Variants in PLXNB2 observed in about 807,000 individuals in gnomAD.
PLXNB2 encodes plexin B2.
PLXNB2 carries 85 observed loss-of-function variants against 202.6 expected under a neutral mutation model. The ratio of observed to expected loss-of-function variants is 0.42; its 90% CI spans 0.35 to 0.50. The LOEUF (loss-of-function observed/expected upper bound fraction) is 0.50, where lower values mean the gene tolerates loss of function less well. PLXNB2 is among the 20% of genes least tolerant of loss of function. The pLI is 0.02. For missense variants in PLXNB2, 2,063 were observed against 2,586.2 expected, an observed-to-expected ratio of 0.80 and a Z score of 4.39; for synonymous variants, 1,239 against 1,137.6, an observed-to-expected ratio of 1.09 and a Z score of -1.79.
At position 50,278,020 on chromosome 22, in the gene PLXNB2, G is replaced by T. The variant is rs376746331; in HGVS notation, c.4888-7C>A. On this transcript the variant is annotated splice_region_variant and splice_polypyrimidine_tract_variant and intron_variant, in intron 31 of 36. Coordinates refer to ENST00000359337, the MANE Select transcript of PLXNB2 (RefSeq NM_012401.4). Reference sequence around the variant, plus strand: ...CAAACTGCTGCAGTGTGCCCTGTGGGGGGGAGGGTCTCAGCGTGACGCCGT... The same window carrying T: ...CAAACTGCTGCAGTGTGCCCTGTGGTGGGGAGGGTCTCAGCGTGACGCCGT... 2.9e-5 allele frequency: 47 copies of T among 1,610,584 alleles called. 1 individual carries two copies. In the East Asian group the frequency reaches 8.7e-4, roughly 30 times the overall value.
rs760534896 is a variant in PLXNB2 at position 50,289,531 on chromosome 22, C to T, written c.1054G>A (p.Gly352Ser). ...YKPFHGDIQC[G>S]GHAPGSSKSF... is the part of the protein sequence containing the mutation. ...GAGGCCCATACCGGCGCGTGGCCGCCGCACTGGATATCGCCGTGGAAGGGC... is the reference window on the plus strand; with the variant it reads ...GAGGCCCATACCGGCGCGTGGCCGCTGCACTGGATATCGCCGTGGAAGGGC... The change falls in exon 3 of 37, where the codon GGC (glycine) becomes AGC (serine). Residue 352 changes from glycine to serine, a missense_variant. Gly to Ser is a moderately conservative substitution (Grantham distance 56). Around this residue, in one of 2 missense-constraint regions of PLXNB2, gnomAD observed 1,303 missense variants for 1,476.8 expected, o/e 0.88. Transcript: ENST00000359337. The surrounding 1 kb of genome is among the most constrained non-coding windows in gnomAD (Gnocchi z 8.0). 1.1e-5 allele frequency: 18 copies of T among 1,610,244 alleles called. No individual in the cohort carries two copies. The highest frequency in any genetic ancestry group is 8.3e-5 in the Admixed American group (5 of 59,912).
Position 50,280,483 on chromosome 22 carries a change from G to A in PLXNB2, c.4175+6C>T. 2 of 1,598,628 alleles carry A rather than the reference G, an allele frequency of 1.3e-6. No homozygotes were observed. The highest frequency in any genetic ancestry group is 1.1e-5 in the South Asian group (1 of 90,624). ...TGGCCCCGCTCGTGGCCCCGCCCAT[G>A]TGCACCTGCGCAGCATCAGCTTGGG... On this transcript the variant is annotated splice_donor_region_variant and intron_variant, in intron 25 of 36. Transcript: ENST00000359337.
At position 50,290,338 on chromosome 22, in the gene PLXNB2, C is replaced by T; in HGVS notation, c.247G>A (p.Glu83Lys). Residue 83 changes from glutamate (E) to lysine (K), a missense_variant, in exon 3 of 37, where the codon GAG becomes AAG. By Grantham distance (56) the Glu-to-Lys change is moderately conservative. Coordinates refer to ENST00000359337, the MANE Select transcript of PLXNB2 (RefSeq NM_012401.4). The stretch of plus-strand genomic sequence containing the variant: ...TCAGCCTCATGGCACTGGCTGGCCT[C>T]GATGGGCGGCGTGCACTTCTTGTTG... ...LDNKKCTPPI[E>K]ASQCHEAEMT... 1 of 1,612,432 alleles carries T rather than the reference C, an allele frequency of 6.2e-7. No individual in the cohort carries two copies.
intron 1 of PLXNB2, among the ~76,000 whole-genome samples, chr22:50,305,618 C>T (rs546542965): frequency 1.3e-5 from 2 of 152,314 alleles, no homozygotes; most frequent in African/African-American, 4.8e-5. Context: ...ATAGGGAGTC[C>T]GTTGGGGCAG....
At chr22:50,293,102 C>T (rs909357151) in intron 2 of PLXNB2, among the ~76,000 whole-genome samples, 6 of 152,210 alleles carry the variant, frequency 3.9e-5, no homozygotes, top group Non-Finnish European at 8.8e-5. Context: ...TAGGGGTGAT[C>T]AGCCAGGAAA....
intron 1 of PLXNB2, among the ~76,000 whole-genome samples, chr22:50,305,212 C>G (rs533839538): frequency 2.0e-5 from 3 of 152,222 alleles, no homozygotes; most frequent in Admixed American, 6.5e-5. Context: ...ACGGTGAGCA[C>G]GGACGACGTC....
intron 1 of PLXNB2, among the ~76,000 whole-genome samples, chr22:50,303,750 C>T (rs2067791711): frequency 6.6e-6 from 1 of 152,246 alleles, no homozygotes; most frequent in Non-Finnish European, 1.5e-5. Context: ...GGGGCCCTAC[C>T]CCCAGGAGCC....
chr22:50,289,999 C>T lies in PLXNB2; in HGVS notation c.586G>A (p.Ala196Thr). 3 of 1,613,372 alleles carry T rather than the reference C, an allele frequency of 1.9e-6. No homozygotes were observed. ...GCGTGGTCCGTGTAGGCTTCAAAGG[C>T]CTCCCTGCTGTCAGTCCGGTCCAAC... Reference protein sequence around the residue: ...RLLDRTDSREAFEAYTDHATY... With the variant: ...RLLDRTDSRETFEAYTDHATY... Residue 196 changes from alanine (A) to threonine (T), a missense_variant, in exon 3 of 37, where the codon GCC (alanine) becomes ACC (threonine). Physicochemically the swap from Ala to Thr is moderately conservative, Grantham distance 58. This residue lies in a region of PLXNB2 where 1,303 missense variants were observed against 1,476.8 expected (regional missense o/e 0.88). Coordinates refer to ENST00000359337, the MANE Select transcript of PLXNB2 (RefSeq NM_012401.4). This position sits in a 1 kb window ranked among gnomAD's most constrained non-coding sequence, Gnocchi z 8.0.
chr22:50,304,314 T>TG (rs1218936887), intron 1 of PLXNB2, among the ~76,000 whole-genome samples: 3 of 151,824 alleles, frequency 2.0e-5, no homozygotes, highest in Non-Finnish European at 2.9e-5. Flanking sequence ...GTGGATCCAC[T>TG]GGGGGGGTGC....
At chr22:50,298,547 G>A (rs1185508092) in intron 1 of PLXNB2, among the ~76,000 whole-genome samples, 1 of 152,244 alleles carries the variant, frequency 6.6e-6, no homozygotes, top group African/African-American at 2.4e-5. Context: ...CCTTGGTTCT[G>A]AGACCGCCCC....
chr22:50,295,808 T>C (rs944511659), intron 1 of PLXNB2, among the ~76,000 whole-genome samples: 1 of 151,866 alleles, frequency 6.6e-6, no homozygotes, highest in Non-Finnish European at 1.5e-5. Flanking sequence ...AAAATCAAAA[T>C]AGTGGCCGGC....
chr22:50,300,627 GC>G (rs879913315), intron 1 of PLXNB2, among the ~76,000 whole-genome samples: 11 of 152,220 alleles, frequency 7.2e-5, no homozygotes, highest in Non-Finnish European at 1.5e-4. Flanking sequence ...AGCGGTCCCC[GC>G]TGGACTCTCG....
intron 2 of PLXNB2, among the ~76,000 whole-genome samples, chr22:50,292,337 C>CAAA (rs533891085): frequency 4.8e-4 from 34 of 70,944 alleles, no homozygotes; most frequent in Non-Finnish European, 5.6e-4. Flanking sequence ...GACTCTGTCT[C>CAAA]AAAAAAAAAA....
At chr22:50,306,650 C>T (rs997712603) in intron 1 of PLXNB2, among the ~76,000 whole-genome samples, 2 of 152,166 alleles carry the variant, frequency 1.3e-5, no homozygotes, top group African/African-American at 4.8e-5. Context: ...AGGGAGCCCT[C>T]CAGGCCGCCG....
intron 18 of PLXNB2, 105 bp from the exon 19 acceptor site, chr22:50,282,418 G>A: frequency 1.6e-6 from 2 of 1,270,112 alleles, no homozygotes; most frequent in Non-Finnish European, 2.1e-6. Flanking sequence ...GGGGCTTCCA[G>A]GTGCATGTGT....
Position 50,294,713 on chromosome 22 carries a change from A to ACAGACCCCTCACCGAGGCTC in PLXNB2, c.-28_-14+5dup. 2.0e-6 allele frequency: 2 copies of ACAGACCCCTCACCGAGGCTC among 984,014 alleles called. No individual in the cohort carries two copies. Among genetic ancestry groups the ACAGACCCCTCACCGAGGCTC allele is most frequent in the Non-Finnish European group, 2.4e-6 (2 of 828,610 alleles). The allele number at this position is 984,014 out of a possible 1,614,324, so 61.0% of individuals were successfully genotyped here. A position where few individuals can be genotyped will look rare whatever the true frequency, so the allele number is the denominator to read the frequency against. Reference sequence around the variant, plus strand: ...ACCCACTGCCTTTCCCAGGTGGGGTACAGACCCCTCACCGAGGCTCCAGTG... The same window carrying ACAGACCCCTCACCGAGGCTC: ...ACCCACTGCCTTTCCCAGGTGGGGTACAGACCCCTCACCGAGGCTCCAGACCCCTCACCGAGGCTCCAGTG... On this transcript the variant is annotated splice_donor_region_variant and intron_variant, in intron 2 of 36. Coordinates refer to ENST00000359337, the MANE Select transcript of PLXNB2 (RefSeq NM_012401.4).
In PLXNB2 at chr22:50,307,586, G is replaced by C; in HGVS notation, c.-107C>G. The C allele has an allele frequency of 3.1e-6, 3 of 981,530 alleles. No individual in the cohort carries two copies. Among genetic ancestry groups the C allele is most frequent in the Non-Finnish European group, 3.6e-6 (3 of 828,516 alleles). The allele number at this position is 981,530 out of a possible 1,614,324, so 60.8% of individuals were successfully genotyped here. On this transcript the variant is annotated 5_prime_UTR_variant, in exon 1 of 37. Coordinates refer to ENST00000359337, the MANE Select transcript of PLXNB2 (RefSeq NM_012401.4). ...CCGCCGCCAAGGCTCGATGGCGCCC[G>C]GGCCGCGCTCGGCGCTGCGCTCTGG...
At chr22:50,306,074 C>A (rs1306978331) in intron 1 of PLXNB2, among the ~76,000 whole-genome samples, 1 of 152,238 alleles carries the variant, frequency 6.6e-6, no homozygotes, top group Non-Finnish European at 1.5e-5. Context: ...TGCAGCCTCC[C>A]GCTTCGGGTG....
Position 50,279,993 on chromosome 22 carries a change from G to A in PLXNB2, c.4242+12C>T. The A allele has an allele frequency of 3.1e-6, 5 of 1,595,898 alleles. No homozygotes were observed. The highest frequency in any genetic ancestry group is 4.3e-6 in the Non-Finnish European group (5 of 1,168,986). On this transcript the variant is annotated intron_variant, in intron 26 of 36. Coordinates refer to ENST00000359337, the MANE Select transcript of PLXNB2 (RefSeq NM_012401.4). ...ATCCCTCAAGCCCCAGCCAGGCTGG[G>A]GTGGAACCCACCTTGAGGTACTGGT...
Sources: allele counts gnomAD v4.1 joint callset (sites outside exome capture counted in the v4.1 genomes callset), GRCh38; gene constraint gnomAD v4.1.1; regional missense constraint gnomAD v4.1.1; non-coding constraint Gnocchi (gnomAD v3.1); transcripts MANE v1.5; gene names NCBI Gene and HGNC (gene_info 2026-07-23, HGNC 2026-07-21).